The following CACNA1S variants were observed in gnomAD, a reference collection of about 807,000 sequenced individuals.
CACNA1S encodes the protein voltage-dependent L-type calcium channel subunit alpha-1S.
A neutral mutation model predicts 207.4 loss-of-function variants in CACNA1S; 126 were observed. The observed-to-expected ratio is 0.61, with a 90% CI of 0.53 to 0.70. The LOEUF (loss-of-function observed/expected upper bound fraction) is 0.70. Among genes scored for constraint, CACNA1S ranks in the 30% least tolerant of loss-of-function variants. The pLI is 0.00. For missense variants in CACNA1S, 2,349 were observed against 2,422.8 expected (o/e 0.97, Z 0.64); for synonymous variants, 960 against 932.7 (o/e 1.03, Z -0.53).
chr1:201,083,362 G>A lies in CACNA1S; in HGVS notation c.1233-40C>T, dbSNP rs180701604. On this transcript the variant is annotated intron_variant, in intron 9 of 43. Transcript: ENST00000362061. The stretch of plus-strand genomic sequence containing the variant: ...AGAGGATGGTCTACAGTGCTGTGCT[G>A]TTCTACGCCCCACCTGTCCAAGCTA... 10,529 of 1,606,516 alleles carry A rather than the reference G, an allele frequency of 6.6e-3. 31 individuals carry two copies. Among genetic ancestry groups the A allele is most frequent in the Non-Finnish European group, 7.3e-3 (8,602 of 1,173,190 alleles).
At chr1:201,050,836 G>T (rs1440996109) in intron 33 of CACNA1S, 148 bp downstream of exon 33, 1 of 893,982 alleles carries the variant, frequency 1.1e-6, no homozygotes. Flanking sequence ...AGGATGACCA[G>T]AATGGGGGAC....
intron 12 of CACNA1S, among the ~76,000 whole-genome samples, chr1:201,075,954 G>C (rs997370877): frequency 6.6e-6 from 1 of 152,186 alleles, no homozygotes; most frequent in African/African-American, 2.4e-5. Context: ...TGTAATCCCA[G>C]CTATTTGGGA....
In CACNA1S at chr1:201,050,506, A is replaced by T; in HGVS notation, c.4124T>A (p.Leu1375His). The T allele has an allele frequency of 1.2e-6, 2 of 1,614,088 alleles. No homozygotes were observed. The highest frequency in any genetic ancestry group is 1.7e-6 in the Non-Finnish European group (2 of 1,179,988). Residue 1375 changes from leucine (L) to histidine (H), a missense_variant, in exon 34 of 44, where the codon CTC becomes CAC. Transcript: ENST00000362061. Reference protein sequence around the residue: ...YMLCAFLVINLFVAVIMDNFD... With the variant: ...YMLCAFLVINHFVAVIMDNFD... ...ATTGTCCATGATGACAGCCACAAAG[A>T]GGTTGATGACCTGCAAGAGAAGAAC...
intron 40 of CACNA1S, 156 bp from the exon 41 acceptor site, chr1:201,041,745 G>A: frequency 1.4e-6 from 1 of 692,802 alleles, no homozygotes; most frequent in Admixed American, 2.0e-5. Context: ...CCACCACTGT[G>A]CCCCAGCCAG....
chr1:201,073,403 C>G (rs1572045748), intron 15 of CACNA1S, 146 bp downstream of exon 15: 1 of 767,814 alleles, frequency 1.3e-6, no homozygotes, highest in Non-Finnish European at 2.3e-6. Flanking sequence ...GGCTCTCCCT[C>G]CAGTCGTACG....
intron 2 of CACNA1S, among the ~76,000 whole-genome samples, chr1:201,103,721 G>A (rs1662764596): frequency 6.6e-6 from 1 of 152,216 alleles, no homozygotes; most frequent in South Asian, 2.1e-4. Flanking sequence ...GGCCAGAGCT[G>A]CGGTCCTTCT....
At chr1:201,078,151 C>T in intron 10 of CACNA1S, 47 bp from the exon 11 acceptor site, 1 of 1,446,406 alleles carries the variant, frequency 6.9e-7, no homozygotes, top group Non-Finnish European at 9.7e-7. Context: ...CTTCCCTTCT[C>T]CTGACTCCCA....
chr1:201,059,563 A>T (rs114361989), intron 26 of CACNA1S, among the ~76,000 whole-genome samples: 156 of 152,364 alleles, frequency 1.0e-3, no homozygotes, highest in African/African-American at 3.7e-3. Context: ...AGTCCTGCTG[A>T]GTGCGTTCAT....
Position 201,053,081 on chromosome 1 carries a change from T to G in CACNA1S, c.3861+128A>C, listed in dbSNP as rs1660711148. On this transcript the variant is annotated intron_variant, in intron 31 of 43. Coordinates refer to ENST00000362061, the MANE Select transcript of CACNA1S (RefSeq NM_000069.3). This position sits in a 1 kb window ranked among gnomAD's most constrained non-coding sequence, Gnocchi z 5.1. ...GATCAGGGAGGTTGTCCCTCCTTCT[T>G]TCTCACGAGCAAGGCAGGGAGGGCG... is the stretch of plus-strand genomic sequence containing the variant. 3 of 1,092,204 alleles carry G rather than the reference T, an allele frequency of 2.7e-6. No homozygotes were observed. In the African/African-American group the frequency reaches 4.6e-5, roughly 17 times the overall value. The allele number at this position is 1,092,204 out of a possible 1,614,324, so 67.7% of individuals were successfully genotyped here.
At chr1:201,111,969 C>CCTCCCCCACCCTCCTCCTCTTCCTCCTG in intron 1 of CACNA1S, among the ~76,000 whole-genome samples, 1 of 142,626 alleles carries the variant, frequency 7.0e-6, no homozygotes, top group Non-Finnish European at 1.5e-5. Context: ...TCTTCCTCCT[C>CCTCCCCCACCCTCCTCCTCTTCCTCCTG]CTCCCCCACC....
rs1257080064 is a variant in CACNA1S at position 201,110,176 on chromosome 1, C to T, written c.246G>A (p.Leu82=). 1 of 1,614,136 alleles carries T rather than the reference C, an allele frequency of 6.2e-7. No individual in the cohort carries two copies. Among genetic ancestry groups the T allele is most frequent in the East Asian group, 2.2e-5 (1 of 44,868 alleles). The change falls in exon 2 of 44, where the codon CTG becomes CTA. Residue 82 remains leucine, a synonymous_variant. Transcript: ENST00000362061. ...LPMPEDDNNS[L]NLGLEKLEYF... ...GGGCCAATCTTACCAGGCCGAGGTT[C>T]AGAGAGTTGTTGTCATCTTCCGGCA...
chr1:201,062,498 C>T lies in CACNA1S; in HGVS notation c.2870G>A (p.Cys957Tyr), dbSNP rs761391113. ...VQLFKGKFFR[C>Y]TDLSKMTEEE... ...CTCTGTCATCTTGGACAAGTCGGTGCACCTGAAGAACTTCCCCTGCAGCCA... is the reference window on the plus strand; with the variant it reads ...CTCTGTCATCTTGGACAAGTCGGTGTACCTGAAGAACTTCCCCTGCAGCCA... The change falls in exon 23 of 44, where the codon TGC becomes TAC. Residue 957 changes from cysteine to tyrosine, a missense_variant. By Grantham distance (194) the Cys-to-Tyr change is radical (BLOSUM62 -2). Transcript: ENST00000362061. The T allele has an allele frequency of 9.9e-6, 16 of 1,608,278 alleles. No individual in the cohort carries two copies. Among genetic ancestry groups the T allele is most frequent in the Non-Finnish European group, 1.3e-5 (15 of 1,175,954 alleles).
rs763360081 is a variant in CACNA1S at position 201,085,495 on chromosome 1, C to T, written c.1091G>A (p.Arg364Gln). 3.6e-5 allele frequency: 58 copies of T among 1,613,108 alleles called. No individual in the cohort carries two copies. Among genetic ancestry groups the T allele is most frequent in the Admixed American group, 1.2e-4 (7 of 59,848 alleles). The change falls in exon 8 of 44, where the codon CGG becomes CAG. Residue 364 changes from arginine (R) to glutamine (Q), a missense_variant. Physicochemically the swap from Arg to Gln is conservative, Grantham distance 43. Transcript: ENST00000362061. Reference protein sequence around the residue: ...REKQQLDEDLRGYMSWITQGE... With the variant: ...REKQQLDEDLQGYMSWITQGE... ...CTGCGTGATCCAGCTCATGTAGCCC[C>T]GAAGGTCCTCATCTAGTTGCTGCTT...
chr1:201,063,722 C>T (rs1490959279), intron 22 of CACNA1S, among the ~76,000 whole-genome samples: 1 of 152,170 alleles, frequency 6.6e-6, no homozygotes, highest in Non-Finnish European at 1.5e-5. Flanking sequence ...CTGGCCCTTG[C>T]CCCCCGCTGC....
rs1220707734 is a variant in CACNA1S, at chr1:201,039,760, C to T, written c.*71G>A. The T allele has an allele frequency of 6.3e-7, 1 of 1,587,214 alleles. No homozygotes were observed. The highest frequency in any genetic ancestry group is 1.7e-5 in the Admixed American group (1 of 60,004). Reference sequence around the variant, plus strand: ...AGGCTGCTGCGGTGGGCTAGCCCTTCTCCACCCCAGCAACTTCCCCACCCC... The same window carrying T: ...AGGCTGCTGCGGTGGGCTAGCCCTTTTCCACCCCAGCAACTTCCCCACCCC... On this transcript the variant is annotated 3_prime_UTR_variant, in exon 44 of 44. Coordinates refer to ENST00000362061, the MANE Select transcript of CACNA1S (RefSeq NM_000069.3).
rs745603965 is a variant in CACNA1S, at chr1:201,094,073, C to T, written c.259-52G>A. 4.3e-6 allele frequency: 7 copies of T among 1,609,536 alleles called. No homozygotes were observed. In the African/African-American group the frequency reaches 8.0e-5, roughly 18 times the overall value. On this transcript the variant is annotated intron_variant, in intron 2 of 43. Coordinates refer to ENST00000362061, the MANE Select transcript of CACNA1S (RefSeq NM_000069.3). ...TGCCTCTGTGCTCTCTGAGTGCACC[C>T]TTGCTCTCTTCCCTGCAGCCGTGCT...
chr1:201,050,545 C>A (rs1381735806), intron 33 of CACNA1S, 29 bp from the exon 34 acceptor site: 1 of 1,613,576 alleles, frequency 6.2e-7, no homozygotes, highest in South Asian at 1.1e-5. Context: ...GGGGTCCCAA[C>A]ACAGAAAGGC....
At chr1:201,072,865 G>C in intron 15 of CACNA1S, 41 bp from the exon 16 acceptor site, 3 of 1,543,404 alleles carry the variant, frequency 1.9e-6, no homozygotes. Context: ...TGAAAAAGAA[G>C]TTGCGGTTTC....
chr1:201,085,566 C>T lies in CACNA1S; in HGVS notation c.1020G>A (p.Glu340=). 1.9e-6 allele frequency: 3 copies of T among 1,613,704 alleles called. No homozygotes were observed. Among genetic ancestry groups the T allele is most frequent in the Non-Finnish European group, 2.5e-6 (3 of 1,179,956 alleles). Residue 340 remains glutamate (E), a synonymous_variant, in exon 8 of 44, where the codon GAG becomes GAA. Coordinates refer to ENST00000362061, the MANE Select transcript of CACNA1S (RefSeq NM_000069.3). ...LGVLSGEFTK[E]REKAKSRGTF... ...TTCCCCTGGACTTGGCCTTCTCCCG[C>T]TCCTTGGTGAATTCCCTGAAATGAG...
Sources: gnomAD v4.1 joint callset for allele counts (sites outside exome capture counted in the v4.1 genomes callset) on GRCh38, gnomAD v4.1.1 for gene constraint, Gnocchi (gnomAD v3.1) non-coding constraint, MANE v1.5 for transcripts, NCBI Gene and HGNC (gene_info 2026-07-23, HGNC 2026-07-21) for gene names.